FAM13A: variants seen among roughly 807,000 people sequenced by gnomAD.
FAM13A encodes the protein protein FAM13A.
FAM13A carries 76 observed loss-of-function variants against 129.6 expected under a neutral mutation model. The ratio of observed to expected loss-of-function variants is 0.59; its 90% confidence interval spans 0.49 to 0.71. FAM13A has a LOEUF of 0.71. Among genes scored for constraint, FAM13A ranks in the 30% least tolerant of loss-of-function variants. FAM13A has a pLI of 0.00. For missense variants in FAM13A, 1,108 were observed against 1,249.3 expected (o/e 0.89, Z 1.70); for synonymous variants, 443 against 449.9 (o/e 0.98, Z 0.20).
chr4:88,973,591 T>C (rs2148959337), intron 4 of FAM13A, among the ~76,000 whole-genome samples: 1 of 124,052 alleles, frequency 8.1e-6, no homozygotes, highest in South Asian at 2.6e-4. Context: ...TATCCTATTG[T>C]TTTAAATCAT....
chr4:88,828,452 AC>A (rs1733377886), intron 7 of FAM13A, among the ~76,000 whole-genome samples: 1 of 152,114 alleles, frequency 6.6e-6, no homozygotes, highest in African/African-American at 2.4e-5. Flanking sequence ...AAATCTCTTG[AC>A]CTTTTAAAGT....
chr4:88,869,380 G>C (rs774127120), intron 6 of FAM13A, among the ~76,000 whole-genome samples: 2 of 152,204 alleles, frequency 1.3e-5, no homozygotes, highest in African/African-American at 4.8e-5. Flanking sequence ...TGTGGAGGCA[G>C]GTACTTCTGC....
At chr4:88,730,572 A>C (rs571559344) in intron 23 of FAM13A, among the ~76,000 whole-genome samples, 1 of 152,076 alleles carries the variant, frequency 6.6e-6, no homozygotes, top group East Asian at 1.9e-4. Context: ...TTGTATTTTT[A>C]GTAGAGATGG....
chr4:88,828,753 A>G (rs1733430993), intron 7 of FAM13A, among the ~76,000 whole-genome samples: 1 of 152,250 alleles, frequency 6.6e-6, no homozygotes, highest in Non-Finnish European at 1.5e-5. Flanking sequence ...AGGGCTACAC[A>G]TAAGATAAAC....
chr4:88,938,276 A>G (rs779321936), intron 4 of FAM13A, 35 bp from the exon 5 acceptor site: 2 of 1,558,278 alleles, frequency 1.3e-6, no homozygotes, highest in Admixed American at 3.7e-5. Context: ...GGAATTACTT[A>G]GTAAACACAA....
intron 2 of FAM13A, among the ~76,000 whole-genome samples, chr4:89,025,106 T>C (rs573758685): frequency 1.3e-5 from 2 of 152,260 alleles, no homozygotes; most frequent in East Asian, 3.9e-4. Context: ...TGAGTGTAAA[T>C]TGTTTCAGCT....
chr4:88,982,387 A>G (rs1761756361), intron 4 of FAM13A, among the ~76,000 whole-genome samples: 1 of 152,232 alleles, frequency 6.6e-6, no homozygotes, highest in Admixed American at 6.5e-5. Flanking sequence ...TTTTAAATGT[A>G]TTTAATTAAA....
chr4:88,817,053 A>G (rs1002392112), intron 7 of FAM13A, among the ~76,000 whole-genome samples: 2 of 152,232 alleles, frequency 1.3e-5, no homozygotes, highest in African/African-American at 4.8e-5. Context: ...AGCCATAAAA[A>G]GGAATGAAGT....
chr4:88,797,254 T>C (rs1169706541), intron 8 of FAM13A, among the ~76,000 whole-genome samples: 1 of 150,222 alleles, frequency 6.7e-6, no homozygotes, highest in East Asian at 2.0e-4. Context: ...CTAACATTAT[T>C]ACTCTGATAG....
At chr4:89,046,024 C>CAAA (rs34619235) in intron 1 of FAM13A, among the ~76,000 whole-genome samples, 27 of 103,458 alleles carry the variant, frequency 2.6e-4, no homozygotes, top group African/African-American at 9.6e-4. Flanking sequence ...AACTCCATCT[C>CAAA]AAAAAAAAAA....
At chr4:88,858,503 C>G (rs1167426273) in intron 6 of FAM13A, among the ~76,000 whole-genome samples, 1 of 152,134 alleles carries the variant, frequency 6.6e-6, no homozygotes, top group Admixed American at 6.5e-5. Context: ...CTCAAATGTC[C>G]ATCAACTGAC....
chr4:88,936,872 A>G (rs1753940169), intron 5 of FAM13A: 4 of 152,142 alleles, frequency 2.6e-5, no homozygotes, highest in Admixed American at 2.6e-4. Flanking sequence ...TGATTGAGAG[A>G]TGCTGCTGAA....
At chr4:88,799,242 T>C (rs1726909757) in intron 8 of FAM13A, among the ~76,000 whole-genome samples, 1 of 152,196 alleles carries the variant, frequency 6.6e-6, no homozygotes, top group South Asian at 2.1e-4. Flanking sequence ...TAGCACGACC[T>C]GAGACTTAGA....
At chr4:88,997,820 A>T (rs1763760324) in intron 3 of FAM13A, among the ~76,000 whole-genome samples, 1 of 152,216 alleles carries the variant, frequency 6.6e-6, no homozygotes, top group Admixed American at 6.5e-5. Context: ...CAAAATACTT[A>T]GCCTCATGGT....
chr4:88,834,030 C>T (rs866400599), intron 7 of FAM13A, among the ~76,000 whole-genome samples: 46 of 150,046 alleles, frequency 3.1e-4, no homozygotes, highest in African/African-American at 8.3e-4. Context: ...GCTGGCTCTA[C>T]AGGTGCACAC....
intron 6 of FAM13A, among the ~76,000 whole-genome samples, chr4:88,868,758 C>G (rs754080616): frequency 1.2e-4 from 18 of 152,286 alleles, no homozygotes; most frequent in Non-Finnish European, 1.0e-4. Context: ...CACTTAAGCT[C>G]TATATTGGCT....
intron 3 of FAM13A, among the ~76,000 whole-genome samples, chr4:89,001,792 A>C (rs1764284650): frequency 6.6e-6 from 1 of 152,202 alleles, no homozygotes; most frequent in South Asian, 2.1e-4. Flanking sequence ...TTCCTCATAT[A>C]ATGAAGAAAG....
At chr4:88,770,207 C>G (rs989099765) in intron 11 of FAM13A, among the ~76,000 whole-genome samples, 6 of 152,114 alleles carry the variant, frequency 3.9e-5, no homozygotes, top group African/African-American at 1.2e-4. Flanking sequence ...TTAGAAGAGG[C>G]CTTTATAAAA....
At chr4:88,866,169 C>A (rs1174219515) in intron 6 of FAM13A, among the ~76,000 whole-genome samples, 2 of 152,106 alleles carry the variant, frequency 1.3e-5, no homozygotes, top group African/African-American at 4.8e-5. Flanking sequence ...GCCTCAGCCT[C>A]CCGAGTAGCT....
Sources: gnomAD v4.1 joint callset for allele counts (sites outside exome capture counted in the v4.1 genomes callset) on GRCh38, gnomAD v4.1.1 for gene constraint, MANE v1.5 for transcripts, NCBI Gene and HGNC (gene_info 2026-07-23, HGNC 2026-07-21) for gene names.